ZNF586: variants seen among roughly 807,000 people sequenced by gnomAD.
ZNF586 encodes the protein zinc finger protein 586.
ZNF586 carries 7 observed loss-of-function variants against 6.7 expected under a neutral mutation model. That is an observed-to-expected ratio of 1.04 (90% CI 0.59 to 1.95). The LOEUF is 1.95. Ranked by LOEUF, ZNF586 falls within the 30% of genes most tolerant of loss-of-function variation. The pLI, the probability that ZNF586 is intolerant of heterozygous loss-of-function variation, is 0.00. For synonymous variants in ZNF586, 166 were observed against 168.7 expected (o/e 0.98, Z 0.12); for missense variants, 442 against 489.6 (o/e 0.90, Z 0.92).
Position 57,779,020 on chromosome 19 carries a change from A to T in ZNF586, c.433A>T (p.Thr145Ser). The change falls in exon 3 of 3, where the codon ACT becomes TCT. Residue 145 changes from threonine (T) to serine (S), a missense_variant. Thr to Ser is a moderately conservative substitution (Grantham distance 58). Coordinates refer to ENST00000396154, the MANE Select transcript of ZNF586 (RefSeq NM_017652.4). ...ACTCCATATTCATGAGAGATTTCATACTGGGCAAAAGACCTATGAGTGCAG... is the reference window on the plus strand; with the variant it reads ...ACTCCATATTCATGAGAGATTTCATTCTGGGCAAAAGACCTATGAGTGCAG... ...PTLHIHERFH[T>S]GQKTYECSEC... The T allele has an allele frequency of 6.2e-7, 1 of 1,614,142 alleles. No individual in the cohort carries two copies. The highest frequency in any genetic ancestry group is 8.5e-7 in the Non-Finnish European group (1 of 1,180,032).
chr19:57,775,232 T>A (rs1375853033), intron 1 of ZNF586, among the ~76,000 whole-genome samples: 1 of 152,120 alleles, frequency 6.6e-6, no homozygotes, highest in East Asian at 1.9e-4. Flanking sequence ...CCTGACCTCG[T>A]GATCTGCCCA....
chr19:57,775,929 C>A (rs542213093), intron 1 of ZNF586, among the ~76,000 whole-genome samples: 1 of 152,332 alleles, frequency 6.6e-6, no homozygotes, highest in East Asian at 1.9e-4. Flanking sequence ...GTGCAACCCC[C>A]ATGTGGCTCT....
Position 57,779,839 on chromosome 19 carries a change from C to A in ZNF586, c.*43C>A. 6.6e-7 allele frequency: 1 copy of A among 1,510,520 alleles called. No homozygotes were observed. The highest frequency in any genetic ancestry group is 9.0e-7 in the Non-Finnish European group (1 of 1,117,176). The allele number at this position is 1,510,520 out of a possible 1,614,324, so 93.6% of individuals were successfully genotyped here. ...CTCTTGCCCAGGCTTTTTGCTCCTT[C>A]AAGGCCAGAGAGTTCACACCAGATC... is the stretch of plus-strand genomic sequence containing the variant. On this transcript the variant is annotated 3_prime_UTR_variant, in exon 3 of 3. Coordinates refer to ENST00000396154, the MANE Select transcript of ZNF586 (RefSeq NM_017652.4).
At chr19:57,772,672 A>ATAAGGGGAAGC (rs1987125114) in intron 1 of ZNF586, among the ~76,000 whole-genome samples, 1 of 152,206 alleles carries the variant, frequency 6.6e-6, no homozygotes, top group Admixed American at 6.5e-5. Flanking sequence ...GAAGAGATGC[A>ATAAGGGGAAGC]TAAGGGGAAG....
At chr19:57,771,039 C>T (rs1600077527) in intron 1 of ZNF586, among the ~76,000 whole-genome samples, 3 of 151,990 alleles carry the variant, frequency 2.0e-5, no homozygotes, top group African/African-American at 7.2e-5. Context: ...CGGTGGCTCA[C>T]GCCTGTAATC....
Position 57,778,967 on chromosome 19 carries a change from A to T in ZNF586, c.380A>T (p.Tyr127Phe). 1 of 1,611,774 alleles carries T rather than the reference A, an allele frequency of 6.2e-7. No homozygotes were observed. The highest frequency in any genetic ancestry group is 8.5e-7 in the Non-Finnish European group (1 of 1,179,248). Residue 127 changes from tyrosine (Y) to phenylalanine (F), a missense_variant, in exon 3 of 3, where the codon TAT becomes TTT. Coordinates refer to ENST00000396154, the MANE Select transcript of ZNF586 (RefSeq NM_017652.4). ...GAAAGGCCTTATGAGTGCAGCAAAT[A>T]TGGGAAATTATTTCACCAAAAGCCT... ...TGERPYECSK[Y>F]GKLFHQKPTL... is the part of the protein sequence containing the mutation.
rs1987309623 is a variant in ZNF586, at chr19:57,779,007, T to C, written c.420T>C (p.His140=). 1 of 1,613,744 alleles carries C rather than the reference T, an allele frequency of 6.2e-7. No individual in the cohort carries two copies. Among genetic ancestry groups the C allele is most frequent in the South Asian group, 1.1e-5 (1 of 91,070 alleles). The change falls in exon 3 of 3, where the codon CAT becomes CAC. Residue 140 remains histidine (H), a synonymous_variant. Transcript: ENST00000396154. ...ACCAAAAGCCTACACTCCATATTCA[T>C]GAGAGATTTCATACTGGGCAAAAGA... ...LFHQKPTLHI[H]ERFHTGQKTY... is the part of the protein sequence containing the mutation.
intron 1 of ZNF586, among the ~76,000 whole-genome samples, chr19:57,771,646 A>G (rs1394024405): frequency 6.6e-6 from 1 of 152,108 alleles, no homozygotes; most frequent in African/African-American, 2.4e-5. Flanking sequence ...GGGTGAGGTG[A>G]TGTTACCAAT....
Position 57,769,728 on chromosome 19 carries a change from G to C in ZNF586, c.-115G>C. The C allele has an allele frequency of 8.9e-7, 1 of 1,126,002 alleles. No homozygotes were observed. The highest frequency in any genetic ancestry group is 1.3e-6 in the Non-Finnish European group (1 of 772,096). 69.8% of individuals were successfully genotyped at this position (1,126,002 alleles called of 1,614,324 possible). A position where few individuals can be genotyped will look rare whatever the true frequency, so the allele number is the denominator to read the frequency against. On this transcript the variant is annotated 5_prime_UTR_variant, in exon 1 of 3. Transcript: ENST00000396154. ...GGTCTGGACGAGCTCGGGAGGAGTG[G>C]TTGTGGCCATTGCACACAGGCGGAT...
intron 1 of ZNF586, among the ~76,000 whole-genome samples, chr19:57,773,502 C>G (rs1178086506): frequency 6.7e-6 from 1 of 148,198 alleles, no homozygotes; most frequent in Non-Finnish European, 1.5e-5. Context: ...CTCCTGGGTT[C>G]AAGTGATTCT....
intron 2 of ZNF586, 132 bp downstream of exon 2, chr19:57,776,801 C>A (rs2285615): frequency 7.1e-6 from 8 of 1,128,684 alleles, no homozygotes; most frequent in Non-Finnish European, 9.9e-6. Context: ...TGTTGTTGGT[C>A]GGACTGAGGT....
chr19:57,774,282 G>A (rs1361525029), intron 1 of ZNF586, among the ~76,000 whole-genome samples: 1 of 149,628 alleles, frequency 6.7e-6, no homozygotes, highest in East Asian at 2.0e-4. Flanking sequence ...CAGCACTTTC[G>A]GAGGCTGAGG....
chr19:57,776,637 T>A lies in ZNF586; in HGVS notation c.131T>A (p.Met44Lys), dbSNP rs765498681. The A allele has an allele frequency of 1.4e-5, 22 of 1,610,744 alleles. No homozygotes were observed. Among genetic ancestry groups the A allele is most frequent in the African/African-American group, 2.7e-5 (2 of 74,748 alleles). ...CAGAGATGCCTGTACCGTGACGTGA[T>A]GCTGGAGACCTTGACACTTATATCC... ...EAQRCLYRDV[M>K]LETLTLISSL... is the part of the protein sequence containing the mutation. Residue 44 changes from methionine to lysine, a missense_variant, in exon 2 of 3, where the codon ATG becomes AAG. Coordinates refer to ENST00000396154, the MANE Select transcript of ZNF586 (RefSeq NM_017652.4).
At chr19:57,776,465 G>A (rs904124146) in intron 1 of ZNF586, 78 bp from the exon 2 acceptor site, 2 of 1,520,148 alleles carry the variant, frequency 1.3e-6, no homozygotes, top group African/African-American at 2.8e-5. Flanking sequence ...ATGGGCAAGG[G>A]TAGATATGTT....
chr19:57,776,944 G>A (rs1050009033), intron 2 of ZNF586, among the ~76,000 whole-genome samples: 6 of 152,104 alleles, frequency 3.9e-5, no homozygotes, highest in African/African-American at 1.4e-4. Flanking sequence ...GCCTGTCTGG[G>A]TGACTGTGCA....
chr19:57,779,341 C>T lies in ZNF586; in HGVS notation c.754C>T (p.His252Tyr). Reference protein sequence around the residue: ...SFAENSSLIKHLRVHTGERPY... With the variant: ...SFAENSSLIKYLRVHTGERPY... ...TGCTGAAAACTCCAGTCTTATTAAA[C>T]ACTTGAGAGTTCACACAGGAGAAAG... Residue 252 changes from histidine to tyrosine, a missense_variant, in exon 3 of 3, where the codon CAC becomes TAC. Coordinates refer to ENST00000396154, the MANE Select transcript of ZNF586 (RefSeq NM_017652.4). The T allele has an allele frequency of 6.2e-7, 1 of 1,613,462 alleles. No homozygotes were observed. Among genetic ancestry groups the T allele is most frequent in the Non-Finnish European group, 8.5e-7 (1 of 1,179,910 alleles).
At position 57,769,850 on chromosome 19, in the gene ZNF586, C is replaced by A; in HGVS notation, c.8C>A (p.Ala3Glu). The A allele has an allele frequency of 6.5e-7, 1 of 1,542,934 alleles. No individual in the cohort carries two copies. ...CCCCCCCCGCCCAGAGTCATGGCGG[C>A]AGCAGCCGCTCTGAGGGCGCCTGCT... MA[A>E]AAALRAPAQS... The change falls in exon 1 of 3, where the codon GCA becomes GAA. Residue 3 changes from alanine to glutamate, a missense_variant. Transcript: ENST00000396154.
At chr19:57,770,017 G>A in intron 1 of ZNF586, 139 bp downstream of exon 1, 2 of 802,484 alleles carry the variant, frequency 2.5e-6, no homozygotes, top group Admixed American at 3.5e-5. Context: ...TGGGATCCCT[G>A]TTTCCGACAC....
chr19:57,769,960 G>T, intron 1 of ZNF586, 82 bp downstream of exon 1: 1 of 1,115,624 alleles, frequency 9.0e-7, no homozygotes, highest in Admixed American at 3.7e-5. Flanking sequence ...GCCTCCTCGC[G>T]TCCCTGCAGC....
Sources: gnomAD v4.1 joint callset for allele counts (sites outside exome capture counted in the v4.1 genomes callset) on GRCh38, gnomAD v4.1.1 for gene constraint, MANE v1.5 for transcripts, NCBI Gene and HGNC (gene_info 2026-07-23, HGNC 2026-07-21) for gene names.